Variants in SLMAP observed in about 807,000 individuals in gnomAD.
SLMAP encodes sarcolemmal membrane-associated protein.
In SLMAP, 44 loss-of-function variants were observed where a neutral mutation model predicts 128.8. The observed-to-expected ratio is 0.34, with a 90% CI of 0.27 to 0.44. The LOEUF (loss-of-function observed/expected upper bound fraction) is 0.44. Ranked by LOEUF, SLMAP falls within the 20% of genes least tolerant of loss-of-function variation. SLMAP has a pLI of 1.00. For synonymous variants in SLMAP, 327 were observed against 348.8 expected, an observed-to-expected ratio of 0.94 and a Z score of 0.70; for missense variants, 787 against 985.3, an observed-to-expected ratio of 0.80 and a Z score of 2.69.
chr3:57,805,395 T>A (rs73073969), intron 2 of SLMAP, among the ~76,000 whole-genome samples: 20,985 of 152,086 alleles, frequency 0.14, 1,524 homozygotes, highest in South Asian at 0.21. Flanking sequence ...AAGCAACATA[T>A]CCAAAACTGA....
In SLMAP at chr3:57,854,569, A is replaced by G. The variant is rs186085625; in HGVS notation, c.520-3164A>G. ...GCCAAGATCATGCCACTGTACTCCA[A>G]CCTGGGCTGCAGAATGAGACTCTGT... On this transcript the variant is annotated intron_variant, in intron 6 of 24. Transcript: ENST00000671191. Among the ~76,000 whole-genome samples the G allele has an allele frequency of 1.4e-4, 21 of 152,258 alleles. No homozygotes were observed. In the East Asian group the frequency reaches 3.5e-3, roughly 25 times the overall value.
At position 57,883,179 on chromosome 3, in the gene SLMAP, T is replaced by G. The variant is rs1171865405; in HGVS notation, c.1301-6862T>G. Among the ~76,000 whole-genome samples, 6 of 152,084 alleles carry G rather than the reference T, an allele frequency of 3.9e-5. No homozygotes were observed. The South Asian group carries it at 1.0e-3, about 26-fold the overall frequency. ...TAGTTGCAATATACCTTAAGAGAGA[T>G]AGGAATAGAGGCTTAGTGAGGAGAG... is the stretch of plus-strand genomic sequence containing the variant. On this transcript the variant is annotated intron_variant, in intron 14 of 24. Coordinates refer to ENST00000671191, the MANE Select transcript of SLMAP (RefSeq NM_001377540.1).
At chr3:57,807,623 C>T (rs534225203) in intron 2 of SLMAP, among the ~76,000 whole-genome samples, 1 of 152,310 alleles carries the variant, frequency 6.6e-6, no homozygotes, top group African/African-American at 2.4e-5. Flanking sequence ...ACCAGCCTTG[C>T]ATCCCAGGGA....
At chr3:57,867,352 C>A (rs1488235831) in intron 13 of SLMAP, among the ~76,000 whole-genome samples, 1 of 152,146 alleles carries the variant, frequency 6.6e-6, no homozygotes, top group African/African-American at 2.4e-5. Flanking sequence ...ATTACTGATT[C>A]ATTTTTTTCC....
chr3:57,865,581 C>T (rs2095276991), intron 13 of SLMAP, among the ~76,000 whole-genome samples: 2 of 152,058 alleles, frequency 1.3e-5, no homozygotes, highest in Admixed American at 6.5e-5. Context: ...CTCTGTTTTT[C>T]GAAGAGCTGT....
At position 57,917,002 on chromosome 3, in the gene SLMAP, G is replaced by C. The variant is rs758343458; in HGVS notation, c.2235G>C (p.Gln745His). 8 of 1,613,814 alleles carry C rather than the reference G, an allele frequency of 5.0e-6. No homozygotes were observed. The highest frequency in any genetic ancestry group is 6.8e-6 in the Non-Finnish European group (8 of 1,179,928). Residue 745 changes from glutamine (Q) to histidine (H), a missense_variant, in exon 22 of 25, where the codon CAG (glutamine) becomes CAC (histidine). By Grantham distance (24) the Gln-to-His change is conservative. Around this residue, in one of 2 missense-constraint regions of SLMAP, gnomAD observed 715 missense variants for 843.6 expected, o/e 0.85. Transcript: ENST00000671191. The part of the protein sequence containing the change: ...LENQVGSLKE[Q>H]HLRDSADLKT... ...ATCAAGTGGGATCCTTGAAAGAACA[G>C]CATCTTCGGGATTCAGCTGATTTAA... is the stretch of plus-strand genomic sequence containing the variant.
At chr3:57,789,386 A>T (rs1353527457) in intron 2 of SLMAP, among the ~76,000 whole-genome samples, 2 of 152,014 alleles carry the variant, frequency 1.3e-5, no homozygotes, top group East Asian at 3.9e-4. Context: ...TACTAAGAGG[A>T]AACATCAGGG....
At chr3:57,899,067 A>G (rs1559489281) in intron 17 of SLMAP, 2 of 152,220 alleles carry the variant, frequency 1.3e-5, no homozygotes. Context: ...ACTCCATATT[A>G]ATTGAATAAG....
intron 2 of SLMAP, among the ~76,000 whole-genome samples, chr3:57,769,269 T>C (rs1157671528): frequency 2.0e-5 from 3 of 152,136 alleles, no homozygotes; most frequent in Non-Finnish European, 2.9e-5. Flanking sequence ...CTTGGCTCAC[T>C]GCAAGCTCTG....
At chr3:57,795,952 G>A (rs553252851) in intron 2 of SLMAP, among the ~76,000 whole-genome samples, 3 of 152,022 alleles carry the variant, frequency 2.0e-5, no homozygotes, top group African/African-American at 7.2e-5. Flanking sequence ...CTTTTAAAGT[G>A]TAAATATTTT....
chr3:57,865,356 TA>T, intron 13 of SLMAP, 64 bp downstream of exon 13: 1 of 696,740 alleles, frequency 1.4e-6, no homozygotes, highest in Non-Finnish European at 2.3e-6. Context: ...TTAAGCAGGA[TA>T]AGGAGTTCAG....
intron 21 of SLMAP, among the ~76,000 whole-genome samples, chr3:57,913,668 T>G (rs1188186402): frequency 6.6e-6 from 1 of 152,184 alleles, no homozygotes; most frequent in Non-Finnish European, 1.5e-5. Context: ...TAATGAAGAA[T>G]TTGTAAGGCT....
At chr3:57,843,269 C>CTTTTG (rs1215467044) in intron 4 of SLMAP, among the ~76,000 whole-genome samples, 1 of 132,226 alleles carries the variant, frequency 7.6e-6, no homozygotes, top group Non-Finnish European at 1.6e-5. Flanking sequence ...AATAATTTTC[C>CTTTTG]TTTTGTTTTG....
At chr3:57,921,187 G>A (rs1037454487) in intron 22 of SLMAP, among the ~76,000 whole-genome samples, 2 of 152,016 alleles carry the variant, frequency 1.3e-5, no homozygotes, top group Admixed American at 6.6e-5. Context: ...TTTAAAGTAG[G>A]GGTAAGCCAT....
intron 2 of SLMAP, among the ~76,000 whole-genome samples, chr3:57,775,275 C>A (rs1393841855): frequency 6.6e-6 from 1 of 151,910 alleles, no homozygotes; most frequent in Non-Finnish European, 1.5e-5. Context: ...ATCTCCTGAC[C>A]TTGTGATCCG....
chr3:57,840,932 T>A (rs1225288783), intron 3 of SLMAP, among the ~76,000 whole-genome samples: 2 of 152,158 alleles, frequency 1.3e-5, no homozygotes, highest in African/African-American at 4.8e-5. Context: ...AGATTTGGAA[T>A]AAGAACTATA....
At chr3:57,799,843 CAG>C (rs1278448856) in intron 2 of SLMAP, among the ~76,000 whole-genome samples, 1 of 152,066 alleles carries the variant, frequency 6.6e-6, no homozygotes, top group East Asian at 1.9e-4. Context: ...GTTAAGAATA[CAG>C]AGTTTCTTAC....
intron 2 of SLMAP, among the ~76,000 whole-genome samples, chr3:57,797,323 A>G (rs1246214046): frequency 6.6e-6 from 1 of 152,030 alleles, no homozygotes; most frequent in African/African-American, 2.4e-5. Context: ...TGTCTCTACT[A>G]AAAATACAAA....
intron 18 of SLMAP, among the ~76,000 whole-genome samples, chr3:57,908,356 G>T (rs570011359): frequency 6.6e-6 from 1 of 152,254 alleles, no homozygotes; most frequent in South Asian, 2.1e-4. Context: ...TTCTTTTCTA[G>T]TAGCTCACTT....
Sources: gnomAD v4.1 joint callset for allele counts (sites outside exome capture counted in the v4.1 genomes callset) on GRCh38, gnomAD v4.1.1 for gene constraint, gnomAD v4.1.1 regional missense constraint, MANE v1.5 for transcripts, NCBI Gene and HGNC (gene_info 2026-07-23, HGNC 2026-07-21) for gene names.